LRRFIP2: variants seen among roughly 807,000 people sequenced by gnomAD.
The protein encoded by LRRFIP2 is leucine-rich repeat flightless-interacting protein 2.
In LRRFIP2, 109 loss-of-function variants were observed where a neutral mutation model predicts 125.9. The observed-to-expected ratio is 0.87, with a 90% CI of 0.74 to 1.01. The LOEUF is 1.01. Among genes scored for constraint, LRRFIP2 ranks in the 50% least tolerant of loss-of-function variants. LRRFIP2 has a pLI of 0.00. For synonymous variants in LRRFIP2, 291 were observed against 293.1 expected, an observed-to-expected ratio of 0.99 and a Z score of 0.07; for missense variants, 850 against 862.3, an observed-to-expected ratio of 0.99 and a Z score of 0.18.
In LRRFIP2 at chr3:37,134,550, C is replaced by T. The variant is rs997588690; in HGVS notation, c.91-5401G>A. On this transcript the variant is annotated intron_variant, in intron 2 of 27. Coordinates refer to ENST00000336686, the MANE Select transcript of LRRFIP2 (RefSeq NM_006309.4). ...ACCAAGAGCTTGTGTCTGGCAGAGC[C>T]GGTATGAGATGAGACAATGCTGTCC... 7.8e-5 allele frequency: 34 copies of T among 433,512 alleles called. No individual in the cohort carries two copies. In the Admixed American group the frequency reaches 9.0e-4, roughly 11 times the overall value. 26.9% of individuals were successfully genotyped at this position (433,512 alleles called of 1,614,324 possible). A position where few individuals can be genotyped will look rare whatever the true frequency, so the allele number is the denominator to read the frequency against.
intron 1 of LRRFIP2, among the ~76,000 whole-genome samples, chr3:37,154,308 T>C (rs567540285): frequency 1.1e-3 from 174 of 152,306 alleles, no homozygotes; most frequent in East Asian, 5.6e-3. Flanking sequence ...ACATAGCCAG[T>C]GGGAAACTTT....
At chr3:37,164,535 T>C (rs544859716) in intron 1 of LRRFIP2, among the ~76,000 whole-genome samples, 1 of 152,108 alleles carries the variant, frequency 6.6e-6, no homozygotes, top group Admixed American at 6.5e-5. Context: ...CTGACCAACA[T>C]GGTGAAACCC....
chr3:37,076,174 G>A (rs2091987362), intron 19 of LRRFIP2, among the ~76,000 whole-genome samples: 1 of 152,048 alleles, frequency 6.6e-6, no homozygotes, highest in South Asian at 2.1e-4. Context: ...CTGAAAAAAT[G>A]ACTCAAAAAT....
chr3:37,107,028 C>T (rs1179552464), intron 13 of LRRFIP2, among the ~76,000 whole-genome samples: 2 of 152,076 alleles, frequency 1.3e-5, no homozygotes, highest in South Asian at 4.2e-4. Flanking sequence ...CCTCAGCCTC[C>T]CGAGTAGCTG....
rs2094483854 is a variant in LRRFIP2 at position 37,109,723 on chromosome 3, T to C, written c.514-20A>G. 1 of 1,611,494 alleles carries C rather than the reference T, an allele frequency of 6.2e-7. No homozygotes were observed. Among genetic ancestry groups the C allele is most frequent in the Non-Finnish European group, 8.5e-7 (1 of 1,178,300 alleles). On this transcript the variant is annotated intron_variant, in intron 9 of 27. Coordinates refer to ENST00000336686, the MANE Select transcript of LRRFIP2 (RefSeq NM_006309.4). ...AGACTGCTAAGAGACAAAAACAAAA[T>C]AAATAAGCAAAAACAAAAACAAAGA...
chr3:37,140,667 A>C (rs2095672921), intron 2 of LRRFIP2, among the ~76,000 whole-genome samples: 1 of 151,890 alleles, frequency 6.6e-6, no homozygotes. Context: ...AAAAAAAAAA[A>C]ACTGAGGCTC....
At chr3:37,118,411 G>A (rs866374062) in intron 6 of LRRFIP2, among the ~76,000 whole-genome samples, 1 of 152,052 alleles carries the variant, frequency 6.6e-6, no homozygotes, top group Non-Finnish European at 1.5e-5. Context: ...CTGTCTTCTT[G>A]TATTTCAATG....
intron 18 of LRRFIP2, among the ~76,000 whole-genome samples, chr3:37,088,227 A>G (rs2149121643): frequency 6.6e-6 from 1 of 152,310 alleles, no homozygotes; most frequent in African/African-American, 2.4e-5. Context: ...TTTTATTCTC[A>G]GTCACTTCAT....
chr3:37,084,471 G>A (rs1203697463), intron 18 of LRRFIP2, among the ~76,000 whole-genome samples: 2 of 151,770 alleles, frequency 1.3e-5, no homozygotes, highest in Non-Finnish European at 2.9e-5. Flanking sequence ...AGACAAGCCT[G>A]GGCAACATGA....
At chr3:37,154,690 T>A (rs1405374636) in intron 1 of LRRFIP2, 3 of 152,250 alleles carry the variant, frequency 2.0e-5, no homozygotes, top group Admixed American at 2.0e-4. Flanking sequence ...AATAAGGCTT[T>A]GTCTTCTCCA....
intron 2 of LRRFIP2, among the ~76,000 whole-genome samples, chr3:37,142,689 G>C (rs984804377): frequency 6.6e-6 from 1 of 152,080 alleles, no homozygotes; most frequent in African/African-American, 2.4e-5. Context: ...ATTTGTAGCA[G>C]GTTTCTTATT....
rs567008363 is a variant in LRRFIP2 at position 37,117,606 on chromosome 3, T to TA, written c.331-2512dup. 7.9e-5 allele frequency among the ~76,000 whole-genome samples: 12 copies of TA among 151,534 alleles called. No individual in the cohort carries two copies. In the East Asian group the frequency reaches 1.4e-3, roughly 17 times the overall value. On this transcript the variant is annotated intron_variant, in intron 6 of 27. Coordinates refer to ENST00000336686, the MANE Select transcript of LRRFIP2 (RefSeq NM_006309.4). ...GAAAATTTTTTTTAACTTTAAAAGT[T>TA]AAAAAAAAATCCAAAATTTGCTATT...
At chr3:37,072,501 C>CA (rs907848276) in intron 21 of LRRFIP2, among the ~76,000 whole-genome samples, 3,231 of 33,844 alleles carry the variant, frequency 0.095, 294 homozygotes, top group African/African-American at 0.13. Context: ...GACTCCGTCT[C>CA]AAAAAAAAAA....
chr3:37,159,883 T>C (rs2096287536), intron 1 of LRRFIP2, among the ~76,000 whole-genome samples: 1 of 148,948 alleles, frequency 6.7e-6, no homozygotes, highest in Non-Finnish European at 1.5e-5. Context: ...CAGCTGGGGT[T>C]TTGACACAAA....
intron 4 of LRRFIP2, 150 bp from the exon 5 acceptor site, chr3:37,121,841 C>CGTGTGTGT (rs60540567): frequency 2.5e-4 from 129 of 521,608 alleles, no homozygotes; most frequent in African/African-American, 2.0e-3. Flanking sequence ...CAGCCACATT[C>CGTGTGTGT]GTGTGTGTGT....
At chr3:37,093,220 G>T (rs533282522) in intron 17 of LRRFIP2, 1 of 153,120 alleles carries the variant, frequency 6.5e-6, no homozygotes, top group South Asian at 2.1e-4. Context: ...AAACATTACT[G>T]CACTCAGACT....
chr3:37,124,257 C>T (rs2095185432), intron 4 of LRRFIP2, among the ~76,000 whole-genome samples: 1 of 152,014 alleles, frequency 6.6e-6, no homozygotes, highest in Non-Finnish European at 1.5e-5. Context: ...ATTTAATTAC[C>T]TACATGGGGC....
rs1159652422 is a variant in LRRFIP2 at position 37,165,810 on chromosome 3, AAAGAAAGAAAGAAAG to A, written c.-56+8714_-56+8728del. On this transcript the variant is annotated intron_variant, in intron 1 of 27. Transcript: ENST00000336686. ...GAGAAAGAAAGAGAAAGAAAGAAAG[AAAGAAAGAAAGAAAG>A]AAAGAAAGAAAGAAAGAAAGAAAGA... is the stretch of plus-strand genomic sequence containing the variant. 6.1e-3 allele frequency among the ~76,000 whole-genome samples: 871 copies of A among 142,668 alleles called. 12 individuals are homozygous for A. The highest frequency in any genetic ancestry group is 0.044 in the South Asian group (191 of 4,390). 93.6% of individuals were successfully genotyped at this position (142,668 alleles called of 152,430 possible).
At chr3:37,109,426 G>A in intron 11 of LRRFIP2, 101 bp downstream of exon 11, 2 of 1,269,194 alleles carry the variant, frequency 1.6e-6, no homozygotes, top group East Asian at 2.3e-5. Context: ...CTAAAATCAT[G>A]TGTCCTTAAC....
Sources: gnomAD v4.1 joint callset for allele counts (sites outside exome capture counted in the v4.1 genomes callset) on GRCh38, gnomAD v4.1.1 for gene constraint, MANE v1.5 for transcripts, NCBI Gene and HGNC (gene_info 2026-07-23, HGNC 2026-07-21) for gene names.